Variants in INPP5E observed in about 807,000 individuals in gnomAD.
The protein encoded by INPP5E is phosphatidylinositol polyphosphate 5-phosphatase type IV.
INPP5E carries 34 observed loss-of-function variants against 50.5 expected under a neutral mutation model. That is an observed-to-expected ratio of 0.67 (90% CI 0.51 to 0.90). The LOEUF is 0.90. Among genes scored for constraint, INPP5E ranks in the 40% least tolerant of loss-of-function variants. INPP5E has a pLI of 0.00. For synonymous variants in INPP5E, 447 were observed against 406.0 expected, an observed-to-expected ratio of 1.10 and a Z score of -1.21; for missense variants, 942 against 905.5, an observed-to-expected ratio of 1.04 and a Z score of -0.52.
In INPP5E at chr9:136,429,802, G is replaced by C; in HGVS notation, c.1808C>G (p.Pro603Arg). The change falls in exon 10 of 10, where the codon CCG (proline) becomes CGG (arginine). Residue 603 changes from proline to arginine, a missense_variant. Pro to Arg is a moderately radical substitution (Grantham distance 103). Coordinates refer to ENST00000371712, the MANE Select transcript of INPP5E (RefSeq NM_019892.6). ...TCTATCAAATTTGCCAGCTGCCAAC[G>C]GAATGCTGTGGAGGAGGAGGGGGCG... The part of the protein sequence containing the change: ...VKVRPGRDNI[P>R]LAAGKFDREL... The C allele has an allele frequency of 1.2e-6, 2 of 1,613,576 alleles. No individual in the cohort carries two copies. The highest frequency in any genetic ancestry group is 1.1e-5 in the South Asian group (1 of 91,070).
chr9:136,430,547 T>C, intron 8 of INPP5E, 134 bp from the exon 9 acceptor site: 1 of 1,122,396 alleles, frequency 8.9e-7, no homozygotes, highest in Non-Finnish European at 1.3e-6. Context: ...TCATGCCCAT[T>C]TTGTTGCCTG....
At position 136,432,941 on chromosome 9, in the gene INPP5E, C is replaced by G; in HGVS notation, c.1279+15G>C. 5 of 1,611,888 alleles carry G rather than the reference C, an allele frequency of 3.1e-6. No individual in the cohort carries two copies. Among genetic ancestry groups the G allele is most frequent in the Non-Finnish European group, 4.2e-6 (5 of 1,179,224 alleles). ...TCTCACACAGCACCTGCGGTGCGGGCACCAAGCAACTTACAGGTGAAGTGG... is the reference window on the plus strand; with the variant it reads ...TCTCACACAGCACCTGCGGTGCGGGGACCAAGCAACTTACAGGTGAAGTGG... On this transcript the variant is annotated intron_variant, in intron 5 of 9. Transcript: ENST00000371712.
At chr9:136,434,915 G>T in intron 1 of INPP5E, 52 bp from the exon 2 acceptor site, 2 of 1,573,466 alleles carry the variant, frequency 1.3e-6, no homozygotes, top group Non-Finnish European at 1.7e-6. Flanking sequence ...ACATCCCTGG[G>T]GGTCTGGGCC....
chr9:136,432,607 T>A (rs1317789260), intron 5 of INPP5E, 21 bp from the exon 6 acceptor site: 1 of 1,460,866 alleles, frequency 6.8e-7, no homozygotes, highest in African/African-American at 1.4e-5. Context: ...AGAAATGGGG[T>A]AGGGACCACA....
rs751058987 is a variant in INPP5E, at chr9:136,432,393, T to C, written c.1387+86A>G. Reference sequence around the variant, plus strand: ...CCTCGCTTCCCAAAGCTCAGGACGCTGCCTCTTCAGAACTGCCCTAAAAAC... The same window carrying C: ...CCTCGCTTCCCAAAGCTCAGGACGCCGCCTCTTCAGAACTGCCCTAAAAAC... On this transcript the variant is annotated intron_variant, in intron 6 of 9. Transcript: ENST00000371712. 172 of 861,308 alleles carry C rather than the reference T, an allele frequency of 2.0e-4. 1 individual carries two copies. Among genetic ancestry groups the C allele is most frequent in the Middle Eastern group, 1.6e-3 (5 of 3,158 alleles). 53.4% of individuals were successfully genotyped at this position (861,308 alleles called of 1,614,324 possible). A position where few individuals can be genotyped will look rare whatever the true frequency, so the allele number is the denominator to read the frequency against.
chr9:136,433,189 G>A lies in INPP5E; in HGVS notation c.1125C>T (p.Leu375=), dbSNP rs1339976754. ...SAAHGVLYMS[L]FIRRDLIWFC... ...ACCAGATGAGGTCCCTGCGGATGAA[G>A]AGCGACATGTAGAGCACGCCGTGGG... The change falls in exon 4 of 10, where the codon CTC becomes CTT. Residue 375 remains leucine, a synonymous_variant. Transcript: ENST00000371712. 1.3e-6 allele frequency: 2 copies of A among 1,594,100 alleles called. No individual in the cohort carries two copies. The highest frequency in any genetic ancestry group is 1.7e-5 in the Admixed American group (1 of 59,482).
chr9:136,430,507 C>T, intron 8 of INPP5E, 94 bp from the exon 9 acceptor site: 4 of 1,453,964 alleles, frequency 2.8e-6, no homozygotes, highest in Non-Finnish European at 3.8e-6. Flanking sequence ...AAGCGCCCCC[C>T]ACAAGGAAGC....
chr9:136,438,011 G>A (rs946148074), intron 1 of INPP5E: 14 of 159,812 alleles, frequency 8.8e-5, no homozygotes, highest in African/African-American at 2.2e-4. Context: ...AAAGGGGGCA[G>A]GCCGGGCGCA....
chr9:136,431,202 A>ACCACGCCCACCCTCCCC, intron 7 of INPP5E, 85 bp from the exon 8 acceptor site: 1 of 565,178 alleles, frequency 1.8e-6, no homozygotes, highest in Non-Finnish European at 2.9e-6. Flanking sequence ...CTCATCTCCC[A>ACCACGCCCACCCTCCCC]CCACGCCCAC....
In INPP5E at chr9:136,429,233, T is replaced by C; in HGVS notation, c.*442A>G. On this transcript the variant is annotated 3_prime_UTR_variant, in exon 10 of 10. Coordinates refer to ENST00000371712, the MANE Select transcript of INPP5E (RefSeq NM_019892.6). ...GATACCCGTGTGACATGGGGTGGTG[T>C]GTGTTTGAGGGGCTGCCAGGAGGAC... is the stretch of plus-strand genomic sequence containing the variant. 3.4e-6 allele frequency: 1 copy of C among 296,444 alleles called. No homozygotes were observed. The highest frequency in any genetic ancestry group is 6.7e-6 in the Non-Finnish European group (1 of 149,580). 18.4% of individuals were successfully genotyped at this position (296,444 alleles called of 1,614,324 possible).
chr9:136,431,844 A>T lies in INPP5E; in HGVS notation c.1529T>A (p.Leu510His). The change falls in exon 7 of 10, where the codon CTC becomes CAC. Residue 510 changes from leucine to histidine, a missense_variant. Leu to His is a moderately conservative substitution (Grantham distance 99). Transcript: ENST00000371712. ...CTCACCTTTCCGCATCTCCCGGATG[A>T]GCTGGTCGTGCTGCAGCAGCGCCGG... ...DVPALLQHDQ[L>H]IREMRKGSIF... 6.2e-7 allele frequency: 1 copy of T among 1,602,444 alleles called. No homozygotes were observed. The highest frequency in any genetic ancestry group is 1.1e-5 in the South Asian group (1 of 90,490).
intron 9 of INPP5E, 107 bp from the exon 10 acceptor site, chr9:136,429,914 C>A: frequency 1.2e-6 from 1 of 837,668 alleles, no homozygotes. Context: ...CACCCAGGGC[C>A]AGGATGAGGG....
chr9:136,436,558 GA>G, intron 1 of INPP5E: 1 of 152,426 alleles, frequency 6.6e-6, no homozygotes, highest in South Asian at 2.1e-4. Flanking sequence ...CCAGCTCTCC[GA>G]GCAAAAGGAA....
intron 6 of INPP5E, 120 bp downstream of exon 6, chr9:136,432,359 C>T (rs546931690): frequency 2.6e-5 from 19 of 734,400 alleles, no homozygotes; most frequent in Admixed American, 8.0e-5. Context: ...GGGCACTGGA[C>T]GTTTCGGCCC....
intron 3 of INPP5E, 144 bp downstream of exon 3, chr9:136,433,893 A>G (rs548093427): frequency 2.8e-6 from 2 of 707,520 alleles, no homozygotes; most frequent in South Asian, 1.5e-5. Flanking sequence ...CGAACCGGGT[A>G]TCAGCGCCCA....
At chr9:136,435,428 C>A (rs1835808213) in intron 1 of INPP5E, 1 of 154,914 alleles carries the variant, frequency 6.5e-6, no homozygotes, top group Non-Finnish European at 1.4e-5. Context: ...CTCCCTGCAG[C>A]CTCTACCTCC....
At chr9:136,435,311 T>C (rs1470393830) in intron 1 of INPP5E, among the ~76,000 whole-genome samples, 3 of 152,110 alleles carry the variant, frequency 2.0e-5, no homozygotes, top group Non-Finnish European at 4.4e-5. Context: ...GTCCATCTCC[T>C]CGACACCCCG....
chr9:136,434,523 T>A (rs935638469), intron 2 of INPP5E, among the ~76,000 whole-genome samples: 1 of 151,486 alleles, frequency 6.6e-6, no homozygotes, highest in Non-Finnish European at 1.5e-5. Flanking sequence ...CCCTACTTTC[T>A]GCAGCCACGT....
Position 136,438,838 on chromosome 9 carries a change from C to T in INPP5E, c.582G>A (p.Pro194=). The change falls in exon 1 of 10, where the codon CCG becomes CCA. Residue 194 remains proline (P), a synonymous_variant. Coordinates refer to ENST00000371712, the MANE Select transcript of INPP5E (RefSeq NM_019892.6). ...RLPSLLPPRP[P]PALSLDIASD... The stretch of plus-strand genomic sequence containing the variant: ...AGGCGATGTCCAGGCTCAGGGCAGG[C>T]GGTGGGCGCGGGGGCAGCAGGCTGG... 1.9e-6 allele frequency: 3 copies of T among 1,608,340 alleles called. No homozygotes were observed. The highest frequency in any genetic ancestry group is 1.3e-5 in the African/African-American group (1 of 74,962).
Sources: allele counts gnomAD v4.1 joint callset (sites outside exome capture counted in the v4.1 genomes callset), GRCh38; gene constraint gnomAD v4.1.1; transcripts MANE v1.5; gene names NCBI Gene and HGNC (gene_info 2026-07-23, HGNC 2026-07-21).